The following CNTN6 variants were observed in gnomAD, a reference collection of about 807,000 sequenced individuals.
CNTN6 encodes the protein contactin-6.
A neutral mutation model predicts 122.8 loss-of-function variants in CNTN6; 137 were observed. That is an observed-to-expected ratio of 1.12 (90% CI 0.97 to 1.29). The LOEUF is 1.29. CNTN6 is among the 50% of genes most tolerant of loss of function. The pLI is 0.00. For missense variants in CNTN6, 1,634 were observed against 1,223.4 expected (o/e 1.34, Z -5.01); for synonymous variants, 570 against 426.0 (o/e 1.34, Z -4.16).
chr3:1,199,161 A>G (rs1378251831), intron 2 of CNTN6, among the ~76,000 whole-genome samples: 1 of 149,138 alleles, frequency 6.7e-6, no homozygotes, highest in African/African-American at 2.5e-5. Flanking sequence ...CTGAACCATG[A>G]GAGACAATAT....
intron 7 of CNTN6, among the ~76,000 whole-genome samples, chr3:1,299,725 T>C (rs1469025190): frequency 6.6e-6 from 1 of 152,132 alleles, no homozygotes; most frequent in Non-Finnish European, 1.5e-5. Flanking sequence ...TCTAAGTAAA[T>C]AGTAAGAGAA....
At chr3:1,170,058 A>G (rs1339205090) in intron 2 of CNTN6, among the ~76,000 whole-genome samples, 3 of 152,060 alleles carry the variant, frequency 2.0e-5, no homozygotes, top group Non-Finnish European at 4.4e-5. Context: ...AACATTGTGA[A>G]GCCCTGTCTC....
chr3:1,362,079 T>C (rs919871358), intron 12 of CNTN6, among the ~76,000 whole-genome samples: 2 of 152,130 alleles, frequency 1.3e-5, no homozygotes, highest in East Asian at 3.9e-4. Context: ...GACTATGTCC[T>C]AGTAAGAAAC....
intron 4 of CNTN6, among the ~76,000 whole-genome samples, chr3:1,245,827 G>A (rs577437794): frequency 6.6e-6 from 1 of 152,170 alleles, no homozygotes; most frequent in Admixed American, 6.5e-5. Context: ...AAGCAGGAGT[G>A]TCCAATCTTT....
At chr3:1,151,135 C>T (rs1012383803) in intron 2 of CNTN6, among the ~76,000 whole-genome samples, 26 of 152,140 alleles carry the variant, frequency 1.7e-4, no homozygotes, top group Non-Finnish European at 1.8e-4. Flanking sequence ...TGTTTTAAGC[C>T]ATAACATTTT....
Position 1,307,564 on chromosome 3 carries a change from T to C in CNTN6, c.761+9573T>C, listed in dbSNP as rs576283852. On this transcript the variant is annotated intron_variant, in intron 7 of 22. Coordinates refer to ENST00000446702, the MANE Select transcript of CNTN6 (RefSeq NM_001289080.2). The stretch of plus-strand genomic sequence containing the variant: ...CCAGCCAATACTGATGTCTGATTAT[T>C]ATAAAGTCCATATTTTATTCAAATT... Among the ~76,000 whole-genome samples the C allele has an allele frequency of 1.3e-3, 204 of 152,276 alleles. 1 individual carries two copies. Among genetic ancestry groups the C allele is most frequent in the Admixed American group, 3.0e-3 (46 of 15,286 alleles).
chr3:1,196,991 T>A (rs2093787170), intron 2 of CNTN6, among the ~76,000 whole-genome samples: 2 of 152,192 alleles, frequency 1.3e-5, no homozygotes, highest in South Asian at 4.1e-4. Context: ...ATTCAGATCA[T>A]TAACTTTTTT....
chr3:1,211,368 T>A (rs2094035533), intron 2 of CNTN6, among the ~76,000 whole-genome samples: 1 of 152,204 alleles, frequency 6.6e-6, no homozygotes, highest in South Asian at 2.1e-4. Context: ...TTCTAATGTA[T>A]GTGAGTTTCC....
chr3:1,112,100 GT>G (rs879655869), intron 1 of CNTN6, among the ~76,000 whole-genome samples: 1 of 152,102 alleles, frequency 6.6e-6, no homozygotes, highest in Non-Finnish European at 1.5e-5. Flanking sequence ...ATATTATTCA[GT>G]TTATCAGGGA....
At chr3:1,332,043 T>C (rs1254785858) in intron 11 of CNTN6, among the ~76,000 whole-genome samples, 3 of 152,012 alleles carry the variant, frequency 2.0e-5, no homozygotes, top group South Asian at 2.1e-4. Flanking sequence ...GTTCTATTTA[T>C]ACATTATTCT....
rs1247716347 is a variant in CNTN6, at chr3:1,165,595, CA to C, written c.55+17534del. Among the ~76,000 whole-genome samples, 3 of 152,126 alleles carry C rather than the reference CA, an allele frequency of 2.0e-5. No individual in the cohort carries two copies. The South Asian group carries it at 6.2e-4, about 32-fold the overall frequency. On this transcript the variant is annotated intron_variant, in intron 2 of 22. Transcript: ENST00000446702. ...CACTACACACACACACTCACTTCTA[CA>C]AGGACTTATAATAATAATAATCACA...
rs750158757 is a variant in CNTN6, at chr3:1,227,799, AT to A, written c.183-9del. ...TGACTCTGTATATTATAAGCACTTTATTTTTTTTTTCCTTGAAGGTGGAAGC... is the reference window on the plus strand; with the variant it reads ...TGACTCTGTATATTATAAGCACTTTATTTTTTTTTCCTTGAAGGTGGAAGC... On this transcript the variant is annotated intron_variant, in intron 3 of 22. Coordinates refer to ENST00000446702, the MANE Select transcript of CNTN6 (RefSeq NM_001289080.2). 1,694 of 1,479,756 alleles carry A rather than the reference AT, an allele frequency of 1.1e-3. No individual in the cohort carries two copies. Among genetic ancestry groups the A allele is most frequent in the Admixed American group, 1.8e-3 (98 of 54,584 alleles). The allele number at this position is 1,479,756 out of a possible 1,614,324, so 91.7% of individuals were successfully genotyped here.
chr3:1,227,666 C>A, intron 3 of CNTN6, 152 bp from the exon 4 acceptor site: 2 of 763,134 alleles, frequency 2.6e-6, no homozygotes, highest in South Asian at 3.8e-5. Context: ...ACCAAGACAG[C>A]TACCTTTGGT....
In CNTN6 at chr3:1,295,606, T is replaced by C; in HGVS notation, c.460T>C (p.Ser154Pro). 1.2e-6 allele frequency: 2 copies of C among 1,612,914 alleles called. No individual in the cohort carries two copies. The highest frequency in any genetic ancestry group is 4.5e-5 in the East Asian group (2 of 44,874). ...TTTTGTTTCTTGTTTTTCAGATTTATCTTATGCATGGACCTTCAATGATAA... is the reference window on the plus strand; with the variant it reads ...TTTTGTTTCTTGTTTTTCAGATTTACCTTATGCATGGACCTTCAATGATAA... ...CGPPPHFGDL[S>P]YAWTFNDNPL... is the part of the protein sequence containing the mutation. Residue 154 changes from serine to proline, a missense_variant, in exon 6 of 23, where the codon TCT becomes CCT. By Grantham distance (74) the Ser-to-Pro change is moderately conservative. Transcript: ENST00000446702.
At chr3:1,237,323 C>T (rs1453388625) in intron 4 of CNTN6, among the ~76,000 whole-genome samples, 1 of 151,652 alleles carries the variant, frequency 6.6e-6, no homozygotes, top group Non-Finnish European at 1.5e-5. Flanking sequence ...TCAAATTAAC[C>T]CAGTCCATCA....
chr3:1,339,034 C>G (rs1266868206), intron 11 of CNTN6, among the ~76,000 whole-genome samples: 2 of 151,744 alleles, frequency 1.3e-5, no homozygotes, highest in Non-Finnish European at 2.9e-5. Flanking sequence ...TTAAAACCTT[C>G]CAAACAAGCA....
intron 12 of CNTN6, among the ~76,000 whole-genome samples, chr3:1,360,456 C>T (rs75897561): frequency 0.031 from 4,779 of 152,066 alleles, 268 homozygotes; most frequent in African/African-American, 0.11. Context: ...TCCATTCCTT[C>T]TCCTAAAAGC....
At position 1,186,651 on chromosome 3, in the gene CNTN6, T is replaced by C. The variant is rs375580331; in HGVS notation, c.56-34036T>C. 4.6e-5 allele frequency among the ~76,000 whole-genome samples: 7 copies of C among 152,104 alleles called. No homozygotes were observed. In the East Asian group the frequency reaches 9.6e-4, roughly 21 times the overall value. On this transcript the variant is annotated intron_variant, in intron 2 of 22. Coordinates refer to ENST00000446702, the MANE Select transcript of CNTN6 (RefSeq NM_001289080.2). ...CTCATCTTAACTTCTAATTTAGCTT[T>C]CTGAATCGGAAAGACAACCTGAAAG...
chr3:1,310,844 A>C (rs140757349), intron 7 of CNTN6, among the ~76,000 whole-genome samples: 1 of 152,246 alleles, frequency 6.6e-6, no homozygotes, highest in Non-Finnish European at 1.5e-5. Context: ...TCTACTAAAA[A>C]TACAAAATCA....
Sources: allele counts gnomAD v4.1 joint callset (sites outside exome capture counted in the v4.1 genomes callset), GRCh38; gene constraint gnomAD v4.1.1; transcripts MANE v1.5; gene names NCBI Gene and HGNC (gene_info 2026-07-23, HGNC 2026-07-21).